ERC1: variants seen among roughly 807,000 people sequenced by gnomAD.
ERC1 encodes the protein RAB6 interacting protein 2.
In ERC1, 56 loss-of-function variants were observed where a neutral mutation model predicts 132.0. The observed-to-expected ratio is 0.42, with a 90% CI of 0.34 to 0.53. The LOEUF is 0.53. ERC1 is among the 20% of genes least tolerant of loss of function. The probability of loss-of-function intolerance (pLI) is 0.03; values close to 1 mark genes in which losing one functional copy is unlikely to be tolerated. For synonymous variants in ERC1, 478 were observed against 476.1 expected (o/e 1.00, Z -0.05); for missense variants, 1,202 against 1,349.9 (o/e 0.89, Z 1.72).
At chr12:1,233,882 G>A (rs61911978) in intron 12 of ERC1, among the ~76,000 whole-genome samples, 45,642 of 151,994 alleles carry the variant, frequency 0.3, 6,995 homozygotes, top group Middle Eastern at 0.39. Flanking sequence ...GTAGCCGTAA[G>A]AAATAAACTT....
intron 18 of ERC1, among the ~76,000 whole-genome samples, chr12:1,486,908 GT>G (rs2154433929): frequency 6.6e-6 from 1 of 152,236 alleles, no homozygotes; most frequent in East Asian, 1.9e-4. Flanking sequence ...CTGAAGAAGA[GT>G]TACCTGGCTC....
rs1196568258 is a variant in ERC1 at position 1,438,799 on chromosome 12, C to T, written c.3025-5763C>T. 5.9e-5 allele frequency among the ~76,000 whole-genome samples: 9 copies of T among 151,886 alleles called. No individual in the cohort carries two copies. In the South Asian group the frequency reaches 6.3e-4, roughly 11 times the overall value. On this transcript the variant is annotated intron_variant, in intron 17 of 18. Transcript: ENST00000360905. Reference sequence around the variant, plus strand: ...TCTACAATAAATTTAAAAAATTAGCCGGGTATGGTGGTGCATGCCTATAGT... The same window carrying T: ...TCTACAATAAATTTAAAAAATTAGCTGGGTATGGTGGTGCATGCCTATAGT...
intron 15 of ERC1, among the ~76,000 whole-genome samples, chr12:1,359,978 A>G (rs987117662): frequency 9.2e-5 from 14 of 152,116 alleles, no homozygotes; most frequent in African/African-American, 3.1e-4. Context: ...ACTATGTGCC[A>G]TTATTTTGCA....
In ERC1 at chr12:1,492,776, G is replaced by A. The variant is rs1296507363; in HGVS notation, c.*2546G>A. 8.6e-6 allele frequency: 2 copies of A among 232,214 alleles called. No individual in the cohort carries two copies. Among genetic ancestry groups the A allele is most frequent in the Admixed American group, 1.1e-4 (2 of 17,746 alleles). The allele number at this position is 232,214 out of a possible 1,614,324, so 14.4% of individuals were successfully genotyped here. A position where few individuals can be genotyped will look rare whatever the true frequency, so the allele number is the denominator to read the frequency against. On this transcript the variant is annotated 3_prime_UTR_variant, in exon 19 of 19. Coordinates refer to ENST00000360905, the MANE Select transcript of ERC1 (RefSeq NM_178040.4). ...TGGCCTTCGTGCTGTAGGGCAGAGT[G>A]GATGCAGTTTGTAGCTTTCAGAGTG... is the stretch of plus-strand genomic sequence containing the variant.
chr12:1,073,436 G>A (rs1049908669), intron 2 of ERC1, among the ~76,000 whole-genome samples: 3 of 152,164 alleles, frequency 2.0e-5, no homozygotes, highest in African/African-American at 7.2e-5. Context: ...CGGATAACCT[G>A]AGGTCAGGAG....
chr12:1,046,202 T>C (rs1971057287), intron 2 of ERC1, among the ~76,000 whole-genome samples: 1 of 152,194 alleles, frequency 6.6e-6, no homozygotes, highest in Non-Finnish European at 1.5e-5. Context: ...ACCAAAGGAA[T>C]TGTGCATCAT....
chr12:1,236,151 A>G (rs1408638762), intron 12 of ERC1, among the ~76,000 whole-genome samples: 2 of 152,198 alleles, frequency 1.3e-5, no homozygotes, highest in African/African-American at 2.4e-5. Flanking sequence ...TAGCAAAACA[A>G]TAATAAAAGC....
intron 15 of ERC1, among the ~76,000 whole-genome samples, chr12:1,343,044 C>T (rs73038652): frequency 0.034 from 5,216 of 152,296 alleles, 112 homozygotes; most frequent in African/African-American, 0.045. Flanking sequence ...CTTCCAGCCC[C>T]TAAACTAATC....
At position 1,062,109 on chromosome 12, in the gene ERC1, T is replaced by G. The variant is rs1320085296; in HGVS notation, c.670-21055T>G. ...GGGTTCACTCCCACCTCAGCCTCCC[T>G]AGTAGCTGGGACTACAGGCACCCAC... is the stretch of plus-strand genomic sequence containing the variant. On this transcript the variant is annotated intron_variant, in intron 2 of 18. Transcript: ENST00000360905. Among the ~76,000 whole-genome samples the G allele has an allele frequency of 3.4e-5, 5 of 147,812 alleles. No homozygotes were observed. In the East Asian group the frequency reaches 8.4e-4, roughly 25 times the overall value.
At chr12:1,376,541 G>A (rs1225431783) in intron 16 of ERC1, among the ~76,000 whole-genome samples, 2 of 152,204 alleles carry the variant, frequency 1.3e-5, no homozygotes, top group Admixed American at 1.3e-4. Flanking sequence ...ACATCACCGG[G>A]TCTTCCCCAC....
At chr12:1,022,315 A>G (rs1318893196) in intron 1 of ERC1, among the ~76,000 whole-genome samples, 1 of 152,256 alleles carries the variant, frequency 6.6e-6, no homozygotes, top group Non-Finnish European at 1.5e-5. Flanking sequence ...TTGTTGCATT[A>G]CAATTACTTC....
At chr12:1,127,056 A>G (rs568947390) in intron 7 of ERC1, among the ~76,000 whole-genome samples, 6 of 151,132 alleles carry the variant, frequency 4.0e-5, no homozygotes, top group African/African-American at 1.5e-4. Context: ...GAAGGATTTG[A>G]ATAGACAATT....
intron 3 of ERC1, among the ~76,000 whole-genome samples, chr12:1,094,698 C>A (rs1320304188): frequency 3.9e-5 from 6 of 152,186 alleles, no homozygotes; most frequent in African/African-American, 1.4e-4. Flanking sequence ...ACGTGAGCCA[C>A]CGTGCCTGGC....
At chr12:1,023,927 A>T (rs1157894342) in intron 1 of ERC1, among the ~76,000 whole-genome samples, 1 of 152,194 alleles carries the variant, frequency 6.6e-6, no homozygotes, top group African/African-American at 2.4e-5. Context: ...CTGTGGAAGG[A>T]TTAGCTGTAG....
chr12:1,413,941 G>C (rs149356515), intron 17 of ERC1, among the ~76,000 whole-genome samples: 1 of 152,300 alleles, frequency 6.6e-6, no homozygotes, highest in Admixed American at 6.5e-5. Flanking sequence ...ACGGGGGCTT[G>C]GGGAAGATGG....
intron 7 of ERC1, 93 bp from the exon 8 acceptor site, chr12:1,141,527 C>A: frequency 9.6e-7 from 1 of 1,038,086 alleles, no homozygotes; most frequent in African/African-American, 1.6e-5. Context: ...TAACAAAACT[C>A]AACCTCTTTA....
chr12:1,484,234 T>G (rs534535511), intron 18 of ERC1, among the ~76,000 whole-genome samples: 157 of 151,562 alleles, frequency 1.0e-3, no homozygotes, highest in African/African-American at 2.8e-3. Flanking sequence ...GAACCTGGGA[T>G]GTGGAGCTTG....
chr12:1,179,859 C>T (rs957648861), intron 8 of ERC1, among the ~76,000 whole-genome samples: 3 of 152,088 alleles, frequency 2.0e-5, no homozygotes, highest in African/African-American at 4.8e-5. Context: ...ATTCAACAAA[C>T]GTTTTTTGAG....
chr12:1,201,568 C>A (rs1180063685), intron 12 of ERC1, among the ~76,000 whole-genome samples: 1 of 152,024 alleles, frequency 6.6e-6, no homozygotes. Context: ...TCTTTTGGAC[C>A]ATCTCCTTGG....
Sources: gnomAD v4.1 joint callset for allele counts (sites outside exome capture counted in the v4.1 genomes callset) on GRCh38, gnomAD v4.1.1 for gene constraint, MANE v1.5 for transcripts, NCBI Gene and HGNC (gene_info 2026-07-23, HGNC 2026-07-21) for gene names.